SANBR: variants seen among roughly 807,000 people sequenced by gnomAD.
SANBR encodes the protein SANT and BTB domain regulator of CSR, also known as SANT and BTB domain regulator of class switch recombination.
A neutral mutation model predicts 101.8 loss-of-function variants in SANBR; 77 were observed. That is an observed-to-expected ratio of 0.76 (90% CI 0.63 to 0.91). The LOEUF (loss-of-function observed/expected upper bound fraction) is 0.91, where lower values mean the gene tolerates loss of function less well. Ranked by LOEUF, SANBR falls within the 40% of genes least tolerant of loss-of-function variation. SANBR has a pLI of 0.00. For missense variants in SANBR, 875 were observed against 853.0 expected, an observed-to-expected ratio of 1.03 and a Z score of -0.32; for synonymous variants, 279 against 274.7, an observed-to-expected ratio of 1.02 and a Z score of -0.15.
intron 20 of SANBR, among the ~76,000 whole-genome samples, chr2:61,130,773 CCT>C: frequency 1.3e-5 from 2 of 150,126 alleles, no homozygotes; most frequent in South Asian, 4.2e-4. Context: ...ATGGTGAAAC[CCT>C]GTCTCTACTA....
intron 10 of SANBR, among the ~76,000 whole-genome samples, chr2:61,092,074 C>A (rs1682791115): frequency 6.6e-6 from 1 of 152,176 alleles, no homozygotes; most frequent in Non-Finnish European, 1.5e-5. Flanking sequence ...ATAAAGCTTC[C>A]ATTTAACATT....
intron 3 of SANBR, among the ~76,000 whole-genome samples, chr2:61,071,299 C>G (rs1037682849): frequency 2.6e-5 from 4 of 151,832 alleles, no homozygotes; most frequent in African/African-American, 9.7e-5. Context: ...GCCTGTAATC[C>G]CAGCACTTTG....
At chr2:61,135,455 T>A (rs1684814630) in intron 21 of SANBR, among the ~76,000 whole-genome samples, 1 of 152,246 alleles carries the variant, frequency 6.6e-6, no homozygotes, top group Non-Finnish European at 1.5e-5. Flanking sequence ...TTAATGCCTC[T>A]CTGACAGTGG....
intron 8 of SANBR, among the ~76,000 whole-genome samples, chr2:61,084,591 A>C (rs901535937): frequency 6.6e-6 from 1 of 152,126 alleles, no homozygotes; most frequent in Non-Finnish European, 1.5e-5. Context: ...CAGACCTTAG[A>C]TAAAGGGAAA....
intron 11 of SANBR, among the ~76,000 whole-genome samples, chr2:61,094,756 G>C (rs1161033596): frequency 6.9e-6 from 1 of 145,772 alleles, no homozygotes; most frequent in African/African-American, 2.5e-5. Flanking sequence ...CGATTCTCCT[G>C]TCTCAGCCTC....
At chr2:61,095,803 A>G (rs563591653) in intron 11 of SANBR, among the ~76,000 whole-genome samples, 3 of 152,274 alleles carry the variant, frequency 2.0e-5, no homozygotes, top group Admixed American at 1.3e-4. Context: ...TGATCAGAGT[A>G]CCAGTCAGGG....
chr2:61,106,735 G>T (rs1157010443), intron 14 of SANBR, 73 bp downstream of exon 14: 8 of 941,404 alleles, frequency 8.5e-6, no homozygotes, highest in Non-Finnish European at 6.4e-6. Flanking sequence ...ACAGGAACCT[G>T]ATCAGTTTAA....
exon 21 of SANBR, chr2:61,134,205 G>A: frequency 6.2e-7 from 1 of 1,611,950 alleles, no homozygotes; most frequent in Non-Finnish European, 8.5e-7. Context: ...TGAGCAGTGT[G>A]CTCTTGATGA....
At chr2:61,098,972 G>C (rs947405462) in intron 12 of SANBR, among the ~76,000 whole-genome samples, 5 of 152,184 alleles carry the variant, frequency 3.3e-5, no homozygotes, top group Non-Finnish European at 5.9e-5. Context: ...TAGATGTCAA[G>C]GAAATCCTCA....
At chr2:61,066,261 G>T (rs543288822) in intron 1 of SANBR, 2 of 152,622 alleles carry the variant, frequency 1.3e-5, no homozygotes, top group East Asian at 3.8e-4. Flanking sequence ...AGACCGTCCC[G>T]CCCGCGCACA....
chr2:61,085,051 T>A (rs187803158), intron 8 of SANBR, among the ~76,000 whole-genome samples: 13 of 152,282 alleles, frequency 8.5e-5, no homozygotes, highest in Non-Finnish European at 2.9e-5. Context: ...TAGCTTTAGT[T>A]CTTTTTGAGA....
At chr2:61,125,750 T>C (rs1455675079), downstream of SANBR, among the ~76,000 whole-genome samples, 1 of 152,230 alleles carries the variant, frequency 6.6e-6, no homozygotes. Flanking sequence ...CTAAAGATCA[T>C]GCTCCTGATA....
chr2:61,091,589 C>T (rs957303694), intron 10 of SANBR, among the ~76,000 whole-genome samples: 2 of 91,302 alleles, frequency 2.2e-5, no homozygotes, highest in African/African-American at 8.6e-5. Context: ...AGTGAAACTC[C>T]GTCCAAAAAA....
intron 14 of SANBR, 96 bp downstream of exon 14, chr2:61,106,758 C>T (rs1221811818): frequency 4.3e-6 from 3 of 703,014 alleles, no homozygotes; most frequent in Non-Finnish European, 7.0e-6. Flanking sequence ...TGAAATTGAA[C>T]TGACTACCTA....
At chr2:61,121,714 AAC>A (rs1255082618) in intron 21 of SANBR, 3 of 178,254 alleles carry the variant, frequency 1.7e-5, no homozygotes, top group African/African-American at 7.1e-5. Context: ...GTTAGAGATT[AAC>A]AGTTACTGAG....
chr2:61,110,071 T>C (rs977581592), intron 16 of SANBR, among the ~76,000 whole-genome samples: 1 of 152,254 alleles, frequency 6.6e-6, no homozygotes, highest in Non-Finnish European at 1.5e-5. Context: ...CAAGTATTTA[T>C]AGGCAATTAT....
In SANBR at chr2:61,122,054, A is replaced by G. The variant is rs559437976; in HGVS notation, c.2121-72A>G. 6 of 1,523,506 alleles carry G rather than the reference A, an allele frequency of 3.9e-6. No individual in the cohort carries two copies. The East Asian group carries it at 9.8e-5, about 25-fold the overall frequency. The allele number at this position is 1,523,506 out of a possible 1,614,324, so 94.4% of individuals were successfully genotyped here. Reference sequence around the variant, plus strand: ...AACCTTGATGTTGCCAAGCCAACATAATCTAAAGGAGCACCAACTTCCTAT... The same window carrying G: ...AACCTTGATGTTGCCAAGCCAACATGATCTAAAGGAGCACCAACTTCCTAT... On this transcript the variant is annotated intron_variant, in intron 21 of 21. Transcript: ENST00000402291.
chr2:61,088,612 C>T (rs1468646531), intron 10 of SANBR, 144 bp downstream of exon 10: 2 of 478,444 alleles, frequency 4.2e-6, no homozygotes, highest in Non-Finnish European at 3.5e-6. Context: ...CTTCCGCCTC[C>T]CAGGTTCAAG....
intron 16 of SANBR, 58 bp downstream of exon 16, chr2:61,109,354 A>G: frequency 2.1e-6 from 2 of 964,900 alleles, no homozygotes; most frequent in Non-Finnish European, 3.1e-6. Context: ...TACATTCTGA[A>G]GCCTTTAATG....
Sources: gnomAD v4.1 joint callset for allele counts (sites outside exome capture counted in the v4.1 genomes callset) on GRCh38, gnomAD v4.1.1 for gene constraint, MANE v1.5 for transcripts, NCBI Gene and HGNC (gene_info 2026-07-23, HGNC 2026-07-21) for gene names.